Variants in BMP7 observed in about 807,000 individuals in gnomAD.
The protein encoded by BMP7 is bone morphogenetic protein 7, also known as osteogenic protein 1.
In BMP7, 12 loss-of-function variants were observed where a neutral mutation model predicts 41.2. The observed-to-expected ratio is 0.29, with a 90% CI of 0.19 to 0.47. The LOEUF is 0.47. BMP7 is among the 20% of genes least tolerant of loss of function. BMP7 has a pLI of 0.99. For synonymous variants in BMP7, 248 were observed against 250.0 expected (o/e 0.99, Z 0.07); for missense variants, 467 against 606.0 (o/e 0.77, Z 2.41).
chr20:57,240,493 A>T (rs527777379), intron 1 of BMP7, among the ~76,000 whole-genome samples: 1 of 152,140 alleles, frequency 6.6e-6, no homozygotes, highest in Non-Finnish European at 1.5e-5. Context: ...AACTGTTCCA[A>T]TCTCTACCTG....
Position 57,171,238 on chromosome 20 carries a change from G to T in BMP7, c.1147-130C>A. ...CTGCAGGTGACACTCCCCAAGCCAA[G>T]CACTCCCTGTTCTAAGCACTTTACA... On this transcript the variant is annotated intron_variant, in intron 6 of 6. Coordinates refer to ENST00000395863, the MANE Select transcript of BMP7 (RefSeq NM_001719.3). This position sits in a 1 kb window ranked among gnomAD's most constrained non-coding sequence, Gnocchi z 4.5. 1 of 1,318,294 alleles carries T rather than the reference G, an allele frequency of 7.6e-7. No individual in the cohort carries two copies. Among genetic ancestry groups the T allele is most frequent in the Non-Finnish European group, 1.1e-6 (1 of 934,190 alleles). The allele number at this position is 1,318,294 out of a possible 1,614,324, so 81.7% of individuals were successfully genotyped here.
intron 3 of BMP7, among the ~76,000 whole-genome samples, chr20:57,194,022 G>T (rs1365689493): frequency 6.6e-6 from 1 of 152,172 alleles, no homozygotes; most frequent in South Asian, 2.1e-4. Flanking sequence ...GTCCATGAAC[G>T]CTGCACATTA....
intron 1 of BMP7, among the ~76,000 whole-genome samples, chr20:57,243,014 A>G (rs1019895923): frequency 6.6e-6 from 1 of 152,092 alleles, no homozygotes; most frequent in Non-Finnish European, 1.5e-5. Flanking sequence ...AAAAAATAAA[A>G]TAAAATCTAA....
chr20:57,265,461 G>A lies in BMP7; in HGVS notation c.418+244C>T, dbSNP rs182655129. On this transcript the variant is annotated intron_variant, in intron 1 of 6. Transcript: ENST00000395863. Reference sequence around the variant, plus strand: ...GATGCGGCCGGCGGCGTAACATGGAGGGGACTTCGGAGGATCCCTCCTTCC... The same window carrying A: ...GATGCGGCCGGCGGCGTAACATGGAAGGGACTTCGGAGGATCCCTCCTTCC... 7.2e-5 allele frequency among the ~76,000 whole-genome samples: 11 copies of A among 152,374 alleles called. No individual in the cohort carries two copies. The East Asian group carries it at 1.9e-3, about 27-fold the overall frequency.
chr20:57,226,492 A>T (rs1461567584), intron 2 of BMP7, among the ~76,000 whole-genome samples: 1 of 152,252 alleles, frequency 6.6e-6, no homozygotes, highest in Non-Finnish European at 1.5e-5. Context: ...CATCCATCAT[A>T]GAACAGAGGA....
At chr20:57,173,695 A>C in intron 5 of BMP7, 20 of 315,682 alleles carry the variant, frequency 6.3e-5, no homozygotes, top group East Asian at 2.4e-4. Context: ...TGATCCTAAA[A>C]TGGACATCCA....
chr20:57,186,238 C>G (rs535884258), intron 3 of BMP7, among the ~76,000 whole-genome samples: 4 of 152,304 alleles, frequency 2.6e-5, no homozygotes, highest in Admixed American at 2.6e-4. Context: ...GCAACGGAGA[C>G]TGTGCAGGAG....
intron 3 of BMP7, among the ~76,000 whole-genome samples, chr20:57,186,086 C>G (rs968415363): frequency 2.0e-5 from 3 of 152,302 alleles, no homozygotes; most frequent in African/African-American, 7.2e-5. Flanking sequence ...GTGGTCCAGA[C>G]AGTAATGTAA....
At chr20:57,229,291 G>C (rs149487215) in intron 1 of BMP7, among the ~76,000 whole-genome samples, 1 of 152,200 alleles carries the variant, frequency 6.6e-6, no homozygotes, top group African/African-American at 2.4e-5. Flanking sequence ...AGGTGCCAAG[G>C]TTTACAGTCA....
rs113018570 is a variant in BMP7, at chr20:57,258,774, G to A, written c.418+6931C>T. ...AGGCGCACACATATTCACACTCTGG[G>A]GACCATTTTCTTGACATTTAAAATA... On this transcript the variant is annotated intron_variant, in intron 1 of 6. Transcript: ENST00000395863. Among the ~76,000 whole-genome samples, 11 of 152,100 alleles carry A rather than the reference G, an allele frequency of 7.2e-5. 1 individual carries two copies. The highest frequency in any genetic ancestry group is 2.7e-4 in the African/African-American group (11 of 41,494).
In BMP7 at chr20:57,220,376, G is replaced by T. The variant is rs543626279; in HGVS notation, c.611+7853C>A. ...GACACTTTTCTTCCCAGCTACAGATGACTGCTTGTGACCAAATTGAAAAAT... is the reference window on the plus strand; with the variant it reads ...GACACTTTTCTTCCCAGCTACAGATTACTGCTTGTGACCAAATTGAAAAAT... On this transcript the variant is annotated intron_variant, in intron 2 of 6. Transcript: ENST00000395863. 5.9e-5 allele frequency among the ~76,000 whole-genome samples: 9 copies of T among 152,290 alleles called. No individual in the cohort carries two copies. The East Asian group carries it at 1.7e-3, about 29-fold the overall frequency.
rs779625549 is a variant in BMP7 at position 57,259,824 on chromosome 20, G to A, written c.418+5881C>T. On this transcript the variant is annotated intron_variant, in intron 1 of 6. Coordinates refer to ENST00000395863, the MANE Select transcript of BMP7 (RefSeq NM_001719.3). The surrounding 1 kb of genome is among the most constrained non-coding windows in gnomAD (Gnocchi z 4.7). ...CACAGCAGCAGTCCTAGTATTCCCT[G>A]GCATTGCTATTTCAGTTTGAGTTTG... is the stretch of plus-strand genomic sequence containing the variant. 4.6e-5 allele frequency among the ~76,000 whole-genome samples: 7 copies of A among 152,140 alleles called. No individual in the cohort carries two copies. The highest frequency in any genetic ancestry group is 8.8e-5 in the Non-Finnish European group (6 of 68,034).
Position 57,170,148 on chromosome 20 carries a change from A to G in BMP7, c.*811T>C, listed in dbSNP as rs947765222. 1.3e-5 allele frequency: 2 copies of G among 152,858 alleles called. No homozygotes were observed. Among genetic ancestry groups the G allele is most frequent in the African/African-American group, 2.4e-5 (1 of 41,450 alleles). 9.5% of individuals were successfully genotyped at this position (152,858 alleles called of 1,614,324 possible). On this transcript the variant is annotated 3_prime_UTR_variant, in exon 7 of 7. Coordinates refer to ENST00000395863, the MANE Select transcript of BMP7 (RefSeq NM_001719.3). ...TGCAATTTCACATGGATTTACTACC[A>G]CTGGGGCGAGGTGAAAAGCCAATCC...
At position 57,201,457 on chromosome 20, in the gene BMP7, A is replaced by T. The variant is rs188734968; in HGVS notation, c.760+1018T>A. Among the ~76,000 whole-genome samples, 14 of 152,264 alleles carry T rather than the reference A, an allele frequency of 9.2e-5. 1 individual carries two copies. In the East Asian group the frequency reaches 2.7e-3, roughly 29 times the overall value. On this transcript the variant is annotated intron_variant, in intron 3 of 6. Transcript: ENST00000395863. ...GCCACCATTTATGGGAGAGGGGAAA[A>T]ACAGAAAGCCGAATCTCCATGTAAT...
Position 57,259,506 on chromosome 20 carries a change from G to A in BMP7, c.418+6199C>T, listed in dbSNP as rs146588867. Among the ~76,000 whole-genome samples, 580 of 152,304 alleles carry A rather than the reference G, an allele frequency of 3.8e-3. 6 individuals are homozygous for A. The highest frequency in any genetic ancestry group is 0.014 in the African/African-American group (563 of 41,562). Reference sequence around the variant, plus strand: ...GTGTGAGAGGCTCTGGTTTGGAAATGCATTAACACACGTTCAACATGTTTG... The same window carrying A: ...GTGTGAGAGGCTCTGGTTTGGAAATACATTAACACACGTTCAACATGTTTG... On this transcript the variant is annotated intron_variant, in intron 1 of 6. Coordinates refer to ENST00000395863, the MANE Select transcript of BMP7 (RefSeq NM_001719.3). The surrounding 1 kb of genome is among the most constrained non-coding windows in gnomAD (Gnocchi z 4.7).
intron 1 of BMP7, among the ~76,000 whole-genome samples, chr20:57,230,942 G>A (rs1224969659): frequency 6.6e-6 from 1 of 152,090 alleles, no homozygotes; most frequent in Non-Finnish European, 1.5e-5. Context: ...CTCACAAAGT[G>A]CTGGGATTAC....
At chr20:57,256,980 T>TTTTTGAAATTTCTATTGAAAAA (rs2066136625) in intron 1 of BMP7, among the ~76,000 whole-genome samples, 1 of 152,202 alleles carries the variant, frequency 6.6e-6, no homozygotes, top group Admixed American at 6.5e-5. Flanking sequence ...ATTTTTGAAG[T>TTTTTGAAATTTCTATTGAAAAA]TAGAAAGTCA....
chr20:57,203,638 T>G (rs1342882664), intron 2 of BMP7, among the ~76,000 whole-genome samples: 3 of 152,214 alleles, frequency 2.0e-5, no homozygotes, highest in Admixed American at 1.3e-4. Context: ...AATTCTAGTA[T>G]GAAAGATCTT....
At chr20:57,179,673 A>AC in intron 4 of BMP7, among the ~76,000 whole-genome samples, 1 of 152,266 alleles carries the variant, frequency 6.6e-6, no homozygotes, top group Non-Finnish European at 1.5e-5. Context: ...AACCGGGGGG[A>AC]CGAGCGATTC....
Sources: gnomAD v4.1 joint callset for allele counts (sites outside exome capture counted in the v4.1 genomes callset) on GRCh38, gnomAD v4.1.1 for gene constraint, Gnocchi (gnomAD v3.1) non-coding constraint, MANE v1.5 for transcripts, NCBI Gene and HGNC (gene_info 2026-07-23, HGNC 2026-07-21) for gene names.